VTCN1: variants seen among roughly 807,000 people sequenced by gnomAD.
VTCN1 encodes V-set domain containing T cell activation inhibitor 1, also known as V-set domain-containing T-cell activation inhibitor 1.
Under a neutral mutation model 26.5 loss-of-function variants are expected in VTCN1, and 26 were observed. The observed-to-expected ratio is 0.98, with a 90% CI of 0.72 to 1.36. VTCN1 has a LOEUF of 1.36. Ranked by LOEUF, VTCN1 falls within the 40% of genes most tolerant of loss-of-function variation. VTCN1 has a pLI of 0.00. For synonymous variants in VTCN1, 116 were observed against 130.7 expected (o/e 0.89, Z 0.77); for missense variants, 298 against 337.7 (o/e 0.88, Z 0.92).
In VTCN1 at chr1:117,167,707, G is replaced by A. The variant is rs538174524; in HGVS notation, c.97+2400C>T. ...GGCCTTTTGGACATACTCCTTGTGA[G>A]CTGCTTTTTTAAGCACTCACACTCC... On this transcript the variant is annotated intron_variant, in intron 2 of 5. Transcript: ENST00000369458. This position sits in a 1 kb window ranked among gnomAD's most constrained non-coding sequence, Gnocchi z 4.1. 6.6e-6 allele frequency among the ~76,000 whole-genome samples: 1 copy of A among 152,238 alleles called. No individual in the cohort carries two copies. The highest frequency in any genetic ancestry group is 2.1e-4 in the South Asian group (1 of 4,828).
Position 117,147,907 on chromosome 1 carries a change from TA to T in VTCN1, c.725-126del. The T allele has an allele frequency of 7.6e-7, 1 of 1,318,936 alleles. No homozygotes were observed. The highest frequency in any genetic ancestry group is 1.0e-6 in the Non-Finnish European group (1 of 971,840). The allele number at this position is 1,318,936 out of a possible 1,614,324, so 81.7% of individuals were successfully genotyped here. Reference sequence around the variant, plus strand: ...GTTGTTCCTAATTCAGGCAATTTTTTACCCCTTTGCCCACCTCTCCGTAACT... The same window carrying T: ...GTTGTTCCTAATTCAGGCAATTTTTTCCCCTTTGCCCACCTCTCCGTAACT... On this transcript the variant is annotated intron_variant, in intron 4 of 5. Transcript: ENST00000369458. The surrounding 1 kb of genome is among the most constrained non-coding windows in gnomAD (Gnocchi z 4.6).
intron 1 of VTCN1, chr1:117,172,514 C>A: frequency 1.9e-6 from 1 of 517,980 alleles, no homozygotes; most frequent in South Asian, 1.4e-5. Context: ...CACAGGCAGC[C>A]GACTTGTGTG....
At chr1:117,148,642 T>A (rs575241080) in intron 4 of VTCN1, among the ~76,000 whole-genome samples, 23 of 152,306 alleles carry the variant, frequency 1.5e-4, no homozygotes, top group African/African-American at 5.1e-4. Context: ...AATTATTCAG[T>A]AAATATTTCT....
chr1:117,149,186 C>A, intron 4 of VTCN1, among the ~76,000 whole-genome samples: 1 of 152,090 alleles, frequency 6.6e-6, no homozygotes, highest in Non-Finnish European at 1.5e-5. Flanking sequence ...GGCTATTGTG[C>A]TAAGCACTGG....
In VTCN1 at chr1:117,159,135, GT is replaced by G. The variant is rs1652241990; in HGVS notation, c.98-2215del. ...TGTTCCAACCTCTGCCTGTTACCCAGTTCCAAAGTTGCTTCCACATTTTTGG... is the reference window on the plus strand; with the variant it reads ...TGTTCCAACCTCTGCCTGTTACCCAGTCCAAAGTTGCTTCCACATTTTTGG... On this transcript the variant is annotated intron_variant, in intron 2 of 5. Coordinates refer to ENST00000369458, the MANE Select transcript of VTCN1 (RefSeq NM_024626.4). This position sits in a 1 kb window ranked among gnomAD's most constrained non-coding sequence, Gnocchi z 4.7. Among the ~76,000 whole-genome samples, 1 of 152,188 alleles carries G rather than the reference GT, an allele frequency of 6.6e-6. No individual in the cohort carries two copies. The highest frequency in any genetic ancestry group is 2.4e-5 in the African/African-American group (1 of 41,436).
intron 3 of VTCN1, 88 bp from the exon 4 acceptor site, chr1:117,153,457 AG>A: frequency 7.4e-7 from 1 of 1,349,558 alleles, no homozygotes; most frequent in Non-Finnish European, 9.9e-7. Flanking sequence ...TTAAAAATGC[AG>A]TCATTTTTTT....
intron 2 of VTCN1, among the ~76,000 whole-genome samples, chr1:117,166,690 G>A (rs1167029911): frequency 6.7e-6 from 1 of 149,118 alleles, no homozygotes; most frequent in Admixed American, 6.7e-5. Flanking sequence ...GAAAAAAAGA[G>A]TTAAGCCTTA....
intron 1 of VTCN1, among the ~76,000 whole-genome samples, chr1:117,184,291 C>T (rs1647823818): frequency 6.6e-6 from 1 of 152,074 alleles, no homozygotes; most frequent in South Asian, 2.1e-4. Flanking sequence ...CCAGAGTCAC[C>T]TGAAGTCTGG....
chr1:117,166,945 T>C (rs1012115394), intron 2 of VTCN1, among the ~76,000 whole-genome samples: 1 of 151,794 alleles, frequency 6.6e-6, no homozygotes, highest in African/African-American at 2.4e-5. Context: ...TACAAAAAAT[T>C]AGCCAGGTGT....
At chr1:117,151,900 C>T in intron 4 of VTCN1, among the ~76,000 whole-genome samples, 1 of 152,162 alleles carries the variant, frequency 6.6e-6, no homozygotes. Flanking sequence ...AGTAGCCACC[C>T]TAATGGGCAT....
In VTCN1 at chr1:117,190,570, A is replaced by G. The variant is rs150509415; in HGVS notation, c.32+20254T>C. Among the ~76,000 whole-genome samples the G allele has an allele frequency of 3.5e-3, 527 of 152,286 alleles. 4 individuals are homozygous for G. The highest frequency in any genetic ancestry group is 0.02 in the Middle Eastern group (6 of 294). On this transcript the variant is annotated intron_variant, in intron 1 of 5. Coordinates refer to ENST00000369458, the MANE Select transcript of VTCN1 (RefSeq NM_024626.4). ...GACCCAACTGCAGATCCTGAGGCAG[A>G]CCTTTGGTTCAGTATCAGCCCTACT...
At chr1:117,201,278 G>A (rs1648773888) in intron 1 of VTCN1, among the ~76,000 whole-genome samples, 1 of 152,132 alleles carries the variant, frequency 6.6e-6, no homozygotes, top group Non-Finnish European at 1.5e-5. Context: ...GCCTCTTGAT[G>A]GAGAATGAGA....
In VTCN1 at chr1:117,146,766, C is replaced by T. The variant is rs1400211465; in HGVS notation, c.*45+847G>A. Among the ~76,000 whole-genome samples, 2 of 152,114 alleles carry T rather than the reference C, an allele frequency of 1.3e-5. No homozygotes were observed. Among genetic ancestry groups the T allele is most frequent in the Non-Finnish European group, 2.9e-5 (2 of 68,034 alleles). Reference sequence around the variant, plus strand: ...GTTATGCCCAGAGAGTCACTTTAGGCTCTGGAGCAAAGGAAGGCTATGATG... The same window carrying T: ...GTTATGCCCAGAGAGTCACTTTAGGTTCTGGAGCAAAGGAAGGCTATGATG... On this transcript the variant is annotated intron_variant, in intron 5 of 5. Transcript: ENST00000369458. The surrounding 1 kb of genome is among the most constrained non-coding windows in gnomAD (Gnocchi z 4.2).
intron 4 of VTCN1, among the ~76,000 whole-genome samples, chr1:117,152,669 T>A (rs937310352): frequency 6.6e-6 from 1 of 151,826 alleles, no homozygotes; most frequent in Non-Finnish European, 1.5e-5. Context: ...TTCACAGCCT[T>A]CTCAAAGGCA....
In VTCN1 at chr1:117,169,493, C is replaced by T. The variant is rs1261390674; in HGVS notation, c.97+614G>A. On this transcript the variant is annotated intron_variant, in intron 2 of 5. Transcript: ENST00000369458. This position sits in a 1 kb window ranked among gnomAD's most constrained non-coding sequence, Gnocchi z 4.0. ...TCAGAGGCAGCACTTCACCTATGATCCCAGAATGACATCTTCAGCACTGAC... is the reference window on the plus strand; with the variant it reads ...TCAGAGGCAGCACTTCACCTATGATTCCAGAATGACATCTTCAGCACTGAC... Among the ~76,000 whole-genome samples, 1 of 152,188 alleles carries T rather than the reference C, an allele frequency of 6.6e-6. No homozygotes were observed. The highest frequency in any genetic ancestry group is 1.5e-5 in the Non-Finnish European group (1 of 68,050).
At chr1:117,176,228 C>T (rs1349560003) in intron 1 of VTCN1, among the ~76,000 whole-genome samples, 1 of 152,212 alleles carries the variant, frequency 6.6e-6, no homozygotes, top group Non-Finnish European at 1.5e-5. Context: ...TACCTTTTTA[C>T]ATGTGGGGAA....
At position 117,188,975 on chromosome 1, in the gene VTCN1, A is replaced by G. The variant is rs149006176; in HGVS notation, c.33-18804T>C. On this transcript the variant is annotated intron_variant, in intron 1 of 5. Transcript: ENST00000369458. ...CAGAGATACAATGTTATTATAACCC[A>G]TATAAAGTCCAGATGTCTGTGGTCT... is the stretch of plus-strand genomic sequence containing the variant. Among the ~76,000 whole-genome samples, 184 of 152,374 alleles carry G rather than the reference A, an allele frequency of 1.2e-3. 1 individual carries two copies. Among genetic ancestry groups the G allele is most frequent in the Non-Finnish European group, 2.4e-3 (165 of 68,040 alleles).
rs549357259 is a variant in VTCN1 at position 117,187,352 on chromosome 1, C to T, written c.33-17181G>A. On this transcript the variant is annotated intron_variant, in intron 1 of 5. Coordinates refer to ENST00000369458, the MANE Select transcript of VTCN1 (RefSeq NM_024626.4). Reference sequence around the variant, plus strand: ...AAAAAAAGGAGCTTTTTCCTACCCACTTTACCAATTTAACAGTATTACCAA... The same window carrying T: ...AAAAAAAGGAGCTTTTTCCTACCCATTTTACCAATTTAACAGTATTACCAA... Among the ~76,000 whole-genome samples the T allele has an allele frequency of 2.7e-5, 4 of 148,786 alleles. No individual in the cohort carries two copies. In the South Asian group the frequency reaches 6.4e-4, roughly 24 times the overall value.
At chr1:117,194,668 A>C (rs1408435378) in intron 1 of VTCN1, among the ~76,000 whole-genome samples, 1 of 152,250 alleles carries the variant, frequency 6.6e-6, no homozygotes, top group Non-Finnish European at 1.5e-5. Context: ...CCATATTTAC[A>C]ATGAAATATT....
Sources: allele counts gnomAD v4.1 joint callset (sites outside exome capture counted in the v4.1 genomes callset), GRCh38; gene constraint gnomAD v4.1.1; non-coding constraint Gnocchi (gnomAD v3.1); transcripts MANE v1.5; gene names NCBI Gene and HGNC (gene_info 2026-07-23, HGNC 2026-07-21).